The following ZFP69B variants were observed in gnomAD, a reference collection of about 807,000 sequenced individuals.
The protein encoded by ZFP69B is zinc finger protein 69 homolog B.
In ZFP69B, 20 loss-of-function variants were observed where a neutral mutation model predicts 19.7. The observed-to-expected ratio is 1.02, with a 90% confidence interval of 0.71 to 1.48. The LOEUF (loss-of-function observed/expected upper bound fraction) is 1.48. Ranked by LOEUF, ZFP69B falls within the 40% of genes most tolerant of loss-of-function variation. The pLI is 0.00. For synonymous variants in ZFP69B, 220 were observed against 222.7 expected (o/e 0.99, Z 0.11); for missense variants, 583 against 632.6 (o/e 0.92, Z 0.84).
chr1:40,454,918 T>C (rs1174436782), intron 2 of ZFP69B, among the ~76,000 whole-genome samples: 2 of 152,212 alleles, frequency 1.3e-5, no homozygotes, highest in Non-Finnish European at 1.5e-5. Context: ...TCCTAGCCCA[T>C]GAAATTCACA....
intron 2 of ZFP69B, 57 bp from the exon 3 acceptor site, chr1:40,456,888 A>G (rs1645237823): frequency 3.8e-6 from 6 of 1,568,148 alleles, no homozygotes; most frequent in East Asian, 2.4e-5. Flanking sequence ...GCATCTAGAC[A>G]AAAGTCAGAA....
intron 4 of ZFP69B, 91 bp from the exon 5 acceptor site, chr1:40,462,330 G>A (rs901308808): frequency 1.4e-5 from 17 of 1,190,742 alleles, no homozygotes; most frequent in African/African-American, 1.2e-4. Context: ...CCTGTACCTA[G>A]TATATATATT....
chr1:40,462,833 T>C lies in ZFP69B; in HGVS notation c.849T>C (p.Ile283=). 1 of 1,614,056 alleles carries C rather than the reference T, an allele frequency of 6.2e-7. No individual in the cohort carries two copies. The stretch of plus-strand genomic sequence containing the variant: ...AAATGAAAACCTTTGAGTGTAATAT[T>C]TGTGAAAAAATCTTCAAACAGCTTA... ...YTKMKTFECN[I]CEKIFKQLIH... The change falls in exon 5 of 5, where the codon ATT becomes ATC. Residue 283 remains isoleucine (I), a synonymous_variant. Coordinates refer to ENST00000361584, the MANE Select transcript of ZFP69B (RefSeq NM_023070.3).
intron 4 of ZFP69B, among the ~76,000 whole-genome samples, chr1:40,458,523 T>C (rs942306297): frequency 6.6e-6 from 1 of 151,820 alleles, no homozygotes; most frequent in Non-Finnish European, 1.5e-5. Context: ...TTTTTTTTTT[T>C]TTTTCTTTTT....
At chr1:40,454,660 A>G (rs209608) in intron 2 of ZFP69B, among the ~76,000 whole-genome samples, 152,250 of 152,322 alleles carry the variant, frequency 1, 76,090 homozygotes, top group Middle Eastern at 1. Flanking sequence ...GCCTCCCAAA[A>G]TGCTGGGATT....
intron 4 of ZFP69B, among the ~76,000 whole-genome samples, 175 bp from the exon 5 acceptor site, chr1:40,462,246 T>C (rs1181742260): frequency 6.6e-6 from 1 of 152,174 alleles, no homozygotes; most frequent in African/African-American, 2.4e-5. Flanking sequence ...GACAGCTTCT[T>C]TTCTCTACTT....
intron 3 of ZFP69B, 133 bp downstream of exon 3, chr1:40,457,204 A>T: frequency 6.7e-7 from 1 of 1,499,064 alleles, no homozygotes; most frequent in Non-Finnish European, 9.2e-7. Flanking sequence ...CCCAGTCAGG[A>T]TTGCTATGCT....
At position 40,451,648 on chromosome 1, in the gene ZFP69B, A is replaced by C. The variant is rs1431973919; in HGVS notation, c.127+560A>C. Reference sequence around the variant, plus strand: ...TCACCTTGACACTTAAAATAGAGAAAGACGTGGGGGGGGGGGAATTCATTT... The same window carrying C: ...TCACCTTGACACTTAAAATAGAGAACGACGTGGGGGGGGGGGAATTCATTT... On this transcript the variant is annotated intron_variant, in intron 1 of 4. Coordinates refer to ENST00000361584, the MANE Select transcript of ZFP69B (RefSeq NM_023070.3). Among the ~76,000 whole-genome samples, 5 of 124,142 alleles carry C rather than the reference A, an allele frequency of 4.0e-5. No individual in the cohort carries two copies. In the East Asian group the frequency reaches 1.4e-3, roughly 35 times the overall value. The allele number at this position is 124,142 out of a possible 152,430, so 81.4% of individuals were successfully genotyped here. A position where few individuals can be genotyped will look rare whatever the true frequency, so the allele number is the denominator to read the frequency against.
chr1:40,451,295 A>G (rs1312412310), intron 1 of ZFP69B, among the ~76,000 whole-genome samples: 3 of 152,048 alleles, frequency 2.0e-5, no homozygotes, highest in Admixed American at 2.0e-4. Flanking sequence ...ATGGTTATGT[A>G]TATTATTTAT....
chr1:40,456,837 T>A, intron 2 of ZFP69B, 108 bp from the exon 3 acceptor site: 2 of 1,401,428 alleles, frequency 1.4e-6, no homozygotes, highest in South Asian at 2.6e-5. Flanking sequence ...ATTAAATGAT[T>A]AGCAAGACAG....
intron 4 of ZFP69B, among the ~76,000 whole-genome samples, chr1:40,458,547 T>G (rs1234165050): frequency 6.6e-6 from 1 of 151,582 alleles, no homozygotes; most frequent in Non-Finnish European, 1.5e-5. Context: ...GACAGAGTCT[T>G]GCTGTGTCAC....
intron 4 of ZFP69B, among the ~76,000 whole-genome samples, chr1:40,460,328 A>G (rs1645270064): frequency 6.6e-6 from 1 of 152,204 alleles, no homozygotes; most frequent in Non-Finnish European, 1.5e-5. Flanking sequence ...GTAGAATGCA[A>G]TGCAGTTGTA....
chr1:40,462,280 C>T (rs556898641), intron 4 of ZFP69B, 141 bp from the exon 5 acceptor site: 2 of 770,300 alleles, frequency 2.6e-6, no homozygotes, highest in African/African-American at 1.8e-5. Context: ...CATATCAGCT[C>T]TCTAGACGGC....
intron 2 of ZFP69B, 151 bp from the exon 3 acceptor site, chr1:40,456,794 T>C (rs745594640): frequency 3.5e-5 from 38 of 1,073,672 alleles, no homozygotes; most frequent in Middle Eastern, 2.3e-4. Context: ...TTTTATAACC[T>C]CCATTTTATG....
chr1:40,462,585 A>G lies in ZFP69B; in HGVS notation c.601A>G (p.Asn201Asp), dbSNP rs1190786426. 3 of 1,614,126 alleles carry G rather than the reference A, an allele frequency of 1.9e-6. No individual in the cohort carries two copies. The African/African-American group carries it at 4.0e-5, about 22-fold the overall frequency. ...KCNKLESQQE[N>D]QRMGKGQIPL... ...TAATAAGCTAGAAAGCCAACAAGAG[A>G]ACCAAAGAATGGGTAAGGGGCAAAT... The change falls in exon 5 of 5, where the codon AAC becomes GAC. Residue 201 changes from asparagine to aspartate, a missense_variant. Physicochemically the swap from Asn to Asp is conservative, Grantham distance 23 (BLOSUM62 1). Coordinates refer to ENST00000361584, the MANE Select transcript of ZFP69B (RefSeq NM_023070.3).
At chr1:40,453,172 G>A (rs548264254) in intron 1 of ZFP69B, among the ~76,000 whole-genome samples, 142 of 151,968 alleles carry the variant, frequency 9.3e-4, no homozygotes, top group Admixed American at 2.1e-3. Context: ...TCTTGGCCAG[G>A]CTGGTCTCCA....
chr1:40,456,961 A>AG lies in ZFP69B; in HGVS notation c.232dup (p.Asp78GlyfsTer84). 6.2e-7 allele frequency: 1 copy of AG among 1,614,014 alleles called. No homozygotes were observed. Among genetic ancestry groups the AG allele is most frequent in the Non-Finnish European group, 8.5e-7 (1 of 1,179,946 alleles). On this transcript the variant is annotated frameshift_variant, in exon 3 of 5. Coordinates refer to ENST00000361584, the MANE Select transcript of ZFP69B (RefSeq NM_023070.3). LOFTEE classifies it high-confidence loss of function. ...ATGTTCTAGGAACTGTTAACCTTCA[A>AG]GGACGTATCTGTGGACTTCACTCAG...
Position 40,457,412 on chromosome 1 carries a change from A to G in ZFP69B, c.409A>G (p.Arg137Gly), listed in dbSNP as rs1274425269. 2.5e-6 allele frequency: 4 copies of G among 1,613,860 alleles called. No individual in the cohort carries two copies. Among genetic ancestry groups the G allele is most frequent in the African/African-American group, 1.3e-5 (1 of 74,884 alleles). Residue 137 changes from arginine (R) to glycine (G), a missense_variant, in exon 4 of 5, where the codon AGA becomes GGA. Physicochemically the swap from Arg to Gly is moderately radical, Grantham distance 125. Coordinates refer to ENST00000361584, the MANE Select transcript of ZFP69B (RefSeq NM_023070.3). ...EKGEEPWLME[R>G]DISGVPSSDL... ...AGGAGAAGAACCATGGCTGATGGAG[A>G]GAGATATTTCAGGAGTTCCAAGTTC...
rs867472730 is a variant in ZFP69B at position 40,462,536 on chromosome 1, C to G, written c.552C>G (p.Ser184=). The G allele has an allele frequency of 6.2e-7, 1 of 1,614,104 alleles. No individual in the cohort carries two copies. The highest frequency in any genetic ancestry group is 2.2e-5 in the East Asian group (1 of 44,874). The stretch of plus-strand genomic sequence containing the variant: ...TTACAAAAGGAAGCAGCATGTATTC[C>G]ACCTTGGGAAGAATCTCCAAATGTA... ...ERFTKGSSMY[S]TLGRISKCNK... The change falls in exon 5 of 5, where the codon TCC becomes TCG. Residue 184 remains serine, a synonymous_variant. Coordinates refer to ENST00000361584, the MANE Select transcript of ZFP69B (RefSeq NM_023070.3).
Sources: allele counts gnomAD v4.1 joint callset (sites outside exome capture counted in the v4.1 genomes callset), GRCh38; gene constraint gnomAD v4.1.1; transcripts MANE v1.5; gene names NCBI Gene and HGNC (gene_info 2026-07-23, HGNC 2026-07-21).